RADX: variants seen among roughly 807,000 people sequenced by gnomAD.
RADX encodes the protein RPA-related protein RADX.
In RADX, 36 loss-of-function variants were observed where a neutral mutation model predicts 61.6. The ratio of observed to expected loss-of-function variants is 0.58; its 90% CI spans 0.45 to 0.77. The LOEUF is 0.77. RADX is among the 30% of genes least tolerant of loss of function. The pLI is 0.00. For missense variants in RADX, 497 were observed against 651.1 expected (o/e 0.76, Z 2.58); for synonymous variants, 272 against 237.9 (o/e 1.14, Z -1.32).
At chrX:106,646,255 T>A (rs1927658137) in intron 10 of RADX, among the ~76,000 whole-genome samples, 1 of 110,789 alleles carries the variant, frequency 9.0e-6, no homozygotes, top group South Asian at 3.8e-4. Context: ...TGCTATGGGA[T>A]AAGACTTTTG....
At chrX:106,650,212 G>A (rs143337670) in intron 11 of RADX, among the ~76,000 whole-genome samples, 1 of 111,120 alleles carries the variant, frequency 9.0e-6, no homozygotes, top group East Asian at 2.9e-4. Flanking sequence ...GAGAGAAAGT[G>A]GAATCCCAGA....
intron 13 of RADX, among the ~76,000 whole-genome samples, chrX:106,670,746 T>G (rs1018350662): frequency 3.6e-5 from 4 of 110,599 alleles, no homozygotes; most frequent in Non-Finnish European, 5.7e-5. Context: ...TCTCACAAAG[T>G]GAACCTTATT....
In RADX at chrX:106,632,650, C is replaced by T. The variant is rs377177368; in HGVS notation, c.1005C>T (p.Pro335=). The T allele has an allele frequency of 3.3e-6, 4 of 1,195,356 alleles. No homozygotes were observed. The highest frequency in any genetic ancestry group is 3.5e-5 in the African/African-American group (2 of 56,518). The change falls in exon 4 of 14, where the codon CCC becomes CCT. Residue 335 remains proline, a synonymous_variant. Coordinates refer to ENST00000372548, the MANE Select transcript of RADX (RefSeq NM_018015.6). ...TMEICLNLRD[P]PTNIIIIPEK... is the part of the protein sequence containing the mutation. The stretch of plus-strand genomic sequence containing the variant: ...AAATCTGCCTGAATCTTCGAGATCC[C>T]CCAACAAATATAATTATCATTCCAG...
At chrX:106,645,765 C>A (rs1927643165) in intron 10 of RADX, among the ~76,000 whole-genome samples, 1 of 111,397 alleles carries the variant, frequency 9.0e-6, no homozygotes, top group Non-Finnish European at 1.9e-5. Flanking sequence ...TCTATTAGAT[C>A]CATTTGATCT....
intron 1 of RADX, among the ~76,000 whole-genome samples, chrX:106,619,750 T>G (rs1256804245): frequency 9.2e-6 from 1 of 108,963 alleles, no homozygotes; most frequent in East Asian, 2.8e-4. Flanking sequence ...CTTTTAACAA[T>G]TTTTATTTGT....
intron 1 of RADX, among the ~76,000 whole-genome samples, chrX:106,618,316 A>G (rs1163897696): frequency 8.9e-6 from 1 of 112,013 alleles, no homozygotes; most frequent in Admixed American, 9.4e-5. Context: ...AAAAATGACT[A>G]CAGTAATTCA....
chrX:106,625,688 A>G (rs991518446), intron 3 of RADX, among the ~76,000 whole-genome samples: 1 of 111,420 alleles, frequency 9.0e-6, no homozygotes, highest in Non-Finnish European at 1.9e-5. Flanking sequence ...TGGTATAGAG[A>G]ACTCCCATAT....
In RADX at chrX:106,614,086, G is replaced by A. The variant is rs766816318; in HGVS notation, c.643+1363G>A. Among the ~76,000 whole-genome samples the A allele has an allele frequency of 3.6e-5, 4 of 111,645 alleles. No homozygotes were observed. In the Admixed American group the frequency reaches 3.8e-4, roughly 11 times the overall value. ...ACCACCAAAGTATAGTAAAATGTTA[G>A]TGATAAAATCTAGGAAGTGGGCATA... On this transcript the variant is annotated intron_variant, in intron 1 of 13. Transcript: ENST00000372548.
chrX:106,640,466 A>T, intron 9 of RADX, 86 bp from the exon 10 acceptor site: 1 of 657,347 alleles, frequency 1.5e-6, no homozygotes, highest in Admixed American at 3.8e-5. Context: ...TGATTATGAA[A>T]AATGAATACA....
At chrX:106,670,249 T>C (rs1928333251) in intron 13 of RADX, among the ~76,000 whole-genome samples, 2 of 111,277 alleles carry the variant, frequency 1.8e-5, no homozygotes, top group Admixed American at 1.9e-4. Flanking sequence ...ACTTTCTACA[T>C]TGGAGCTCCT....
chrX:106,622,090 C>T (rs762275144), intron 1 of RADX, among the ~76,000 whole-genome samples: 5 of 109,215 alleles, frequency 4.6e-5, no homozygotes, highest in Non-Finnish European at 7.6e-5. Context: ...GCACATGCCA[C>T]CAGGCCCAGC....
At chrX:106,638,326 G>A (rs5962706) in intron 8 of RADX, 11,681 of 113,142 alleles carry the variant, frequency 0.1, 1,613 homozygotes, top group African/African-American at 0.37. Context: ...GCAGTGGCGG[G>A]ATCTCGGCTC....
intron 10 of RADX, among the ~76,000 whole-genome samples, chrX:106,645,659 T>G (rs751698646): frequency 1.8e-5 from 2 of 111,764 alleles, no homozygotes; most frequent in African/African-American, 6.5e-5. Flanking sequence ...AAGACTTGTT[T>G]TGTGACCTAA....
chrX:106,625,007 A>G, intron 2 of RADX, 83 bp from the exon 3 acceptor site: 1 of 565,443 alleles, frequency 1.8e-6, no homozygotes, highest in Non-Finnish European at 2.6e-6. Context: ...ATCACTCTAA[A>G]TGATCACAAA....
At chrX:106,668,660 C>A (rs1232389130) in intron 12 of RADX, among the ~76,000 whole-genome samples, 1 of 111,745 alleles carries the variant, frequency 8.9e-6, no homozygotes, top group Non-Finnish European at 1.9e-5. Context: ...CTAGCACAAC[C>A]TTTTATGGCC....
intron 12 of RADX, among the ~76,000 whole-genome samples, chrX:106,665,159 G>A (rs1928197736): frequency 9.0e-6 from 1 of 111,728 alleles, no homozygotes; most frequent in African/African-American, 3.3e-5. Flanking sequence ...TCAGAAGAGA[G>A]GAATAAATCT....
At chrX:106,643,746 G>C (rs781108880) in intron 10 of RADX, among the ~76,000 whole-genome samples, 29 of 111,673 alleles carry the variant, frequency 2.6e-4, no homozygotes, top group Non-Finnish European at 4.3e-4. Flanking sequence ...GATTAGGATA[G>C]CTTTGGCTAT....
intron 11 of RADX, among the ~76,000 whole-genome samples, chrX:106,652,739 G>A (rs1927826456): frequency 9.5e-6 from 1 of 105,766 alleles, no homozygotes; most frequent in Non-Finnish European, 2.0e-5. Flanking sequence ...CTGAAAACCA[G>A]GATAAACGAT....
intron 7 of RADX, 126 bp downstream of exon 7, chrX:106,636,773 A>C: frequency 2.9e-6 from 1 of 343,977 alleles, no homozygotes; most frequent in Non-Finnish European, 4.9e-6. Flanking sequence ...TTCCTTTATT[A>C]CTATAAGAGT....
Sources: allele counts gnomAD v4.1 joint callset (sites outside exome capture counted in the v4.1 genomes callset), GRCh38; gene constraint gnomAD v4.1.1; transcripts MANE v1.5; gene names NCBI Gene and HGNC (gene_info 2026-07-23, HGNC 2026-07-21).